IBTK: variants seen among roughly 807,000 people sequenced by gnomAD.
IBTK encodes inhibitor of Bruton tyrosine kinase, also known as BTK-binding protein.
In IBTK, 83 loss-of-function variants were observed where a neutral mutation model predicts 154.9. The ratio of observed to expected loss-of-function variants is 0.54; its 90% CI spans 0.45 to 0.64. The LOEUF (loss-of-function observed/expected upper bound fraction) is 0.64, where lower values mean the gene tolerates loss of function less well. IBTK is among the 30% of genes least tolerant of loss of function. IBTK has a pLI of 0.00. For missense variants in IBTK, 1,332 were observed against 1,584.6 expected (o/e 0.84, Z 2.71); for synonymous variants, 515 against 536.1 (o/e 0.96, Z 0.54).
At chr6:82,204,773 T>C (rs1229976047) in intron 17 of IBTK, 84 bp downstream of exon 17, 2 of 758,220 alleles carry the variant, frequency 2.6e-6, no homozygotes, top group Non-Finnish European at 4.0e-6. Context: ...TATTTTACCA[T>C]AAGTGGAATC....
Position 82,214,282 on chromosome 6 carries a change from C to T in IBTK, c.2149G>A (p.Val717Ile). The change falls in exon 12 of 29, where the codon GTA becomes ATA. Residue 717 changes from valine to isoleucine, a missense_variant. Physicochemically the swap from Val to Ile is conservative, Grantham distance 29. This residue lies in a region of IBTK where 1,134 missense variants were observed against 1,274.7 expected (regional missense o/e 0.89). Coordinates refer to ENST00000306270, the MANE Select transcript of IBTK (RefSeq NM_015525.4). The part of the protein sequence containing the change: ...KGKNIREDDP[V>I]RMLQTVAKKF... The stretch of plus-strand genomic sequence containing the variant: ...TTTGCAACAGTTTGCAACATTCTTA[C>T]AGGATCATCTTCCCTAATATTTTTT... The T allele has an allele frequency of 6.2e-7, 1 of 1,613,176 alleles. No homozygotes were observed. The highest frequency in any genetic ancestry group is 8.5e-7 in the Non-Finnish European group (1 of 1,179,630).
chr6:82,224,235 T>C, intron 6 of IBTK, 50 bp from the exon 7 acceptor site: 1 of 1,290,666 alleles, frequency 7.7e-7, no homozygotes, highest in Non-Finnish European at 1.1e-6. Flanking sequence ...TATGACCTAG[T>C]ACAATTTTTT....
intron 28 of IBTK, 22 bp downstream of exon 28, chr6:82,172,358 C>T (rs1251259138): frequency 1.3e-6 from 2 of 1,598,272 alleles, no homozygotes; most frequent in Non-Finnish European, 1.7e-6. Flanking sequence ...CTAAATTAAA[C>T]CCTACTAAGT....
At chr6:82,246,115 G>C (rs958096806) in intron 1 of IBTK, among the ~76,000 whole-genome samples, 3 of 152,142 alleles carry the variant, frequency 2.0e-5, no homozygotes, top group Non-Finnish European at 4.4e-5. Context: ...AAGTGCTCTT[G>C]ATCCCACCTA....
In IBTK at chr6:82,227,306, AG is replaced by A. The variant is rs555708969; in HGVS notation, c.544-5del. On this transcript the variant is annotated splice_region_variant and splice_polypyrimidine_tract_variant and intron_variant, in intron 4 of 28. Transcript: ENST00000306270. The stretch of plus-strand genomic sequence containing the variant: ...AGTGAAATTTACAAAGCACCACCTA[AG>A]GGAAAACAAGAGAATATTATTAAAC... 5.4e-5 allele frequency: 83 copies of A among 1,528,598 alleles called. No individual in the cohort carries two copies. Among genetic ancestry groups the A allele is most frequent in the Non-Finnish European group, 7.3e-5 (82 of 1,118,730 alleles). 94.7% of individuals were successfully genotyped at this position (1,528,598 alleles called of 1,614,324 possible). A position where few individuals can be genotyped will look rare whatever the true frequency, so the allele number is the denominator to read the frequency against.
Position 82,220,721 on chromosome 6 carries a change from A to T in IBTK, c.1125-8T>A. On this transcript the variant is annotated splice_region_variant and splice_polypyrimidine_tract_variant and intron_variant, in intron 8 of 28. Transcript: ENST00000306270. ...TTTTTCAAGTTCAACTGTCTAGATG[A>T]AAAAAAAAAAAATCCTAGATTAATA... 3 of 625,110 alleles carry T rather than the reference A, an allele frequency of 4.8e-6. No homozygotes were observed. The highest frequency in any genetic ancestry group is 6.4e-6 in the Non-Finnish European group (3 of 469,662). 38.7% of individuals were successfully genotyped at this position (625,110 alleles called of 1,614,324 possible).
chr6:82,198,683 TAGC>T (rs1769092103), intron 21 of IBTK, among the ~76,000 whole-genome samples: 1 of 152,154 alleles, frequency 6.6e-6, no homozygotes, highest in South Asian at 2.1e-4. Context: ...GAAGTACTGT[TAGC>T]AGAAACTGTA....
intron 1 of IBTK, 57 bp downstream of exon 1, chr6:82,247,505 C>T: frequency 7.5e-6 from 3 of 398,712 alleles, no homozygotes; most frequent in Non-Finnish European, 8.8e-6. Context: ...CTCCCCCTGC[C>T]CCCGGGCTGA....
intron 26 of IBTK, chr6:82,173,648 C>G: frequency 3.6e-6 from 1 of 279,720 alleles, no homozygotes; most frequent in Non-Finnish European, 6.2e-6. Flanking sequence ...AAAGATACTG[C>G]AAGAAATAGC....
Position 82,240,691 on chromosome 6 carries a change from C to T in IBTK, c.-205G>A. The T allele has an allele frequency of 2.0e-6, 1 of 508,452 alleles. No individual in the cohort carries two copies. Among genetic ancestry groups the T allele is most frequent in the Non-Finnish European group, 3.4e-6 (1 of 291,580 alleles). The allele number at this position is 508,452 out of a possible 1,614,324, so 31.5% of individuals were successfully genotyped here. A position where few individuals can be genotyped will look rare whatever the true frequency, so the allele number is the denominator to read the frequency against. ...TAAATCAAAAAAATTATAAATAGCT[C>T]TATAAAGTTCATATCAAATACAAGT... On this transcript the variant is annotated 5_prime_UTR_variant, in exon 2 of 29. Transcript: ENST00000306270.
chr6:82,203,666 G>A (rs1256294600), intron 17 of IBTK, among the ~76,000 whole-genome samples: 1 of 152,008 alleles, frequency 6.6e-6, no homozygotes, highest in East Asian at 1.9e-4. Context: ...TAGGTTCTAG[G>A]AACATCAAGG....
chr6:82,194,423 T>TA lies in IBTK; in HGVS notation c.3338+55dup, dbSNP rs1582200565. ...TCATCATTAAAAAATTAAATTGCAT[T>TA]AAAAATGAATGACATTTCTCAAACT... On this transcript the variant is annotated intron_variant, in intron 23 of 28. Transcript: ENST00000306270. 3.5e-6 allele frequency: 4 copies of TA among 1,147,754 alleles called. No individual in the cohort carries two copies. The East Asian group carries it at 1.1e-4, about 32-fold the overall frequency. The allele number at this position is 1,147,754 out of a possible 1,614,324, so 71.1% of individuals were successfully genotyped here.
At chr6:82,223,940 C>A in intron 7 of IBTK, 128 bp downstream of exon 7, 1 of 655,346 alleles carries the variant, frequency 1.5e-6, no homozygotes, top group Non-Finnish European at 2.6e-6. Flanking sequence ...CAGAGTGAGA[C>A]TTTGTCTCAA....
At chr6:82,220,988 C>T (rs916438132) in intron 8 of IBTK, among the ~76,000 whole-genome samples, 2 of 102,238 alleles carry the variant, frequency 2.0e-5, no homozygotes, top group Non-Finnish European at 3.9e-5. Flanking sequence ...ACATTAAATG[C>T]CTGAAGTTCC....
intron 8 of IBTK, 136 bp from the exon 9 acceptor site, chr6:82,220,849 G>T (rs1291248749): frequency 1.3e-5 from 8 of 622,580 alleles, no homozygotes; most frequent in Non-Finnish European, 2.0e-5. Flanking sequence ...TTGGTCTTTG[G>T]TATCTCTAGC....
In IBTK at chr6:82,231,798, G is replaced by A. The variant is rs760389127; in HGVS notation, c.463C>T (p.Leu155=). Residue 155 remains leucine (L), a synonymous_variant, in exon 4 of 29, where the codon CTG becomes TTG. Coordinates refer to ENST00000306270, the MANE Select transcript of IBTK (RefSeq NM_015525.4). ...YTWGDNTNFT[L]GHGSQNSKHH... ...TTGCTATTCTGGCTTCCATGACCCA[G>A]GGTAAAATTTGTATTATCGCCCCAA... 36 of 1,604,838 alleles carry A rather than the reference G, an allele frequency of 2.2e-5. No homozygotes were observed. In the Admixed American group the frequency reaches 2.7e-4, roughly 12 times the overall value.
intron 8 of IBTK, among the ~76,000 whole-genome samples, chr6:82,221,438 A>G (rs986041214): frequency 1.3e-5 from 2 of 152,242 alleles, no homozygotes; most frequent in African/African-American, 4.8e-5. Flanking sequence ...GAAATGCTTA[A>G]TTTAAAAAAT....
chr6:82,229,596 A>G (rs936406589), intron 4 of IBTK, among the ~76,000 whole-genome samples: 2 of 152,128 alleles, frequency 1.3e-5, no homozygotes, highest in Non-Finnish European at 2.9e-5. Context: ...TGAGAAAAAA[A>G]AAACTGACTA....
chr6:82,211,811 A>G (rs1330072172), intron 13 of IBTK, among the ~76,000 whole-genome samples: 3 of 152,024 alleles, frequency 2.0e-5, no homozygotes, highest in Admixed American at 1.3e-4. Context: ...TATTTTTCTG[A>G]TTTTCCTTTT....
Sources: gnomAD v4.1 joint callset for allele counts (sites outside exome capture counted in the v4.1 genomes callset) on GRCh38, gnomAD v4.1.1 for gene constraint, gnomAD v4.1.1 regional missense constraint, MANE v1.5 for transcripts, NCBI Gene and HGNC (gene_info 2026-07-23, HGNC 2026-07-21) for gene names.